KSR1: variants seen among roughly 807,000 people sequenced by gnomAD.
The protein encoded by KSR1 is kinase suppressor of ras.
In KSR1, 35 loss-of-function variants were observed where a neutral mutation model predicts 92.9. The ratio of observed to expected loss-of-function variants is 0.38; its 90% CI spans 0.29 to 0.50. The LOEUF (loss-of-function observed/expected upper bound fraction) is 0.50. Among genes scored for constraint, KSR1 ranks in the 20% least tolerant of loss-of-function variants. The probability of loss-of-function intolerance (pLI) is 0.94; values close to 1 mark genes in which losing one functional copy is unlikely to be tolerated. For synonymous variants in KSR1, 467 were observed against 472.6 expected, an observed-to-expected ratio of 0.99 and a Z score of 0.15; for missense variants, 972 against 1,158.5, an observed-to-expected ratio of 0.84 and a Z score of 2.34.
intron 1 of KSR1, among the ~76,000 whole-genome samples, chr17:27,529,528 G>A (rs890559887): frequency 3.3e-5 from 5 of 152,186 alleles, no homozygotes; most frequent in African/African-American, 9.7e-5. Context: ...GCCGCTCCAC[G>A]CTCCTGCCAT....
At chr17:27,583,495 C>G (rs1020463694) in intron 4 of KSR1, among the ~76,000 whole-genome samples, 6 of 152,252 alleles carry the variant, frequency 3.9e-5, no homozygotes, top group Non-Finnish European at 8.8e-5. Context: ...TTGCTGGCCA[C>G]GGTGGCAGAG....
At chr17:27,609,695 A>C in intron 16 of KSR1, 1 of 331,650 alleles carries the variant, frequency 3.0e-6, no homozygotes, top group Non-Finnish European at 5.6e-6. Flanking sequence ...GGGAACCCAA[A>C]AGGGAGCATG....
At chr17:27,598,868 C>T (rs555769599) in intron 10 of KSR1, among the ~76,000 whole-genome samples, 1 of 152,326 alleles carries the variant, frequency 6.6e-6, no homozygotes, top group East Asian at 1.9e-4. Flanking sequence ...CCCCCAACCC[C>T]CACTGCCCGC....
At position 27,623,518 on chromosome 17, in the gene KSR1, G is replaced by A; in HGVS notation, c.*126G>A. 1.5e-6 allele frequency: 1 copy of A among 683,674 alleles called. No homozygotes were observed. The highest frequency in any genetic ancestry group is 2.5e-4 in the Middle Eastern group (1 of 4,042). 42.4% of individuals were successfully genotyped at this position (683,674 alleles called of 1,614,324 possible). A position where few individuals can be genotyped will look rare whatever the true frequency, so the allele number is the denominator to read the frequency against. On this transcript the variant is annotated 3_prime_UTR_variant, in exon 21 of 21. Transcript: ENST00000644974. ...CTGCAAACCAGGAGCACACGTCCTAGATTCAGACTGTTGGCCATAAACCCC... is the reference window on the plus strand; with the variant it reads ...CTGCAAACCAGGAGCACACGTCCTAAATTCAGACTGTTGGCCATAAACCCC...
In KSR1 at chr17:27,577,661, C is replaced by G; in HGVS notation, c.520+22C>G. The G allele has an allele frequency of 6.6e-7, 1 of 1,517,812 alleles. No homozygotes were observed. Among genetic ancestry groups the G allele is most frequent in the Non-Finnish European group, 8.9e-7 (1 of 1,128,282 alleles). The allele number at this position is 1,517,812 out of a possible 1,614,324, so 94.0% of individuals were successfully genotyped here. Reference sequence around the variant, plus strand: ...CTGGGTACGTGGGGCCTGCCACCCTCTCCCTTGCCTGGCCTGGTGCCCTTG... The same window carrying G: ...CTGGGTACGTGGGGCCTGCCACCCTGTCCCTTGCCTGGCCTGGTGCCCTTG... On this transcript the variant is annotated intron_variant, in intron 3 of 20. Transcript: ENST00000644974. The surrounding 1 kb of genome is among the most constrained non-coding windows in gnomAD (Gnocchi z 4.5).
intron 1 of KSR1, among the ~76,000 whole-genome samples, chr17:27,467,999 A>G (rs2019786003): frequency 6.6e-6 from 1 of 151,810 alleles, no homozygotes; most frequent in African/African-American, 2.4e-5. Flanking sequence ...TCGTATTTTT[A>G]GTAGAGACGG....
intron 4 of KSR1, chr17:27,583,854 C>A: frequency 4.0e-6 from 1 of 247,476 alleles, no homozygotes; most frequent in Non-Finnish European, 6.4e-6. Flanking sequence ...AGCGCAGCAG[C>A]TCTGTGGCTT....
intron 14 of KSR1, among the ~76,000 whole-genome samples, chr17:27,606,990 C>A (rs944630206): frequency 2.6e-5 from 4 of 151,994 alleles, no homozygotes; most frequent in African/African-American, 7.3e-5. Context: ...TGCCACCACG[C>A]CTCGCTAATT....
At chr17:27,555,929 C>T (rs972622115) in intron 2 of KSR1, among the ~76,000 whole-genome samples, 3 of 152,166 alleles carry the variant, frequency 2.0e-5, no homozygotes, top group African/African-American at 7.2e-5. Flanking sequence ...TTCCCTGAAG[C>T]CTGCTCATCT....
rs1327252121 is a variant in KSR1, at chr17:27,626,249, G to A, written c.*2857G>A. 1.3e-5 allele frequency: 2 copies of A among 152,200 alleles called. No individual in the cohort carries two copies. 9.4% of individuals were successfully genotyped at this position (152,200 alleles called of 1,614,324 possible). A position where few individuals can be genotyped will look rare whatever the true frequency, so the allele number is the denominator to read the frequency against. Reference sequence around the variant, plus strand: ...TTTTTTTGAATGTGATGTAAAATTTGTACAGTAAAGTTTTTATATTTTCTA... The same window carrying A: ...TTTTTTTGAATGTGATGTAAAATTTATACAGTAAAGTTTTTATATTTTCTA... On this transcript the variant is annotated 3_prime_UTR_variant, in exon 21 of 21. Transcript: ENST00000644974.
At chr17:27,522,737 T>C (rs1006654111) in intron 1 of KSR1, among the ~76,000 whole-genome samples, 22 of 152,140 alleles carry the variant, frequency 1.4e-4, no homozygotes, top group Non-Finnish European at 2.8e-4. Context: ...AAGTTTGCAA[T>C]GAGGGAAAGT....
intron 5 of KSR1, among the ~76,000 whole-genome samples, chr17:27,586,865 T>C (rs915704047): frequency 6.6e-6 from 1 of 152,152 alleles, no homozygotes; most frequent in East Asian, 1.9e-4. Flanking sequence ...TTTGGCCCCA[T>C]GTGTTTTTTA....
chr17:27,472,032 G>A (rs1220252059), intron 1 of KSR1: 2 of 152,228 alleles, frequency 1.3e-5, no homozygotes, highest in Non-Finnish European at 2.9e-5. Context: ...CAGGGAAGGG[G>A]TCCTCAGACT....
At chr17:27,598,917 C>A (rs761095426) in intron 10 of KSR1, among the ~76,000 whole-genome samples, 5 of 152,166 alleles carry the variant, frequency 3.3e-5, no homozygotes, top group Non-Finnish European at 5.9e-5. Context: ...AGGCACGCCT[C>A]CTATCGTCCC....
intron 1 of KSR1, among the ~76,000 whole-genome samples, chr17:27,539,209 G>C (rs1002378636): frequency 5.3e-5 from 8 of 152,226 alleles, no homozygotes; most frequent in African/African-American, 1.9e-4. Flanking sequence ...TGTGATTGAG[G>C]GGTTGAGCTG....
At chr17:27,503,497 G>A (rs1019997432) in intron 1 of KSR1, among the ~76,000 whole-genome samples, 1 of 152,174 alleles carries the variant, frequency 6.6e-6, no homozygotes, top group Non-Finnish European at 1.5e-5. Context: ...TCAGAAGTTC[G>A]AGATTCTCTG....
At chr17:27,602,248 A>C (rs1352379945) in intron 11 of KSR1, among the ~76,000 whole-genome samples, 1 of 152,158 alleles carries the variant, frequency 6.6e-6, no homozygotes, top group Non-Finnish European at 1.5e-5. Context: ...GACCATCCAT[A>C]TGGCGTTGCT....
At chr17:27,583,416 T>G (rs1346468592) in intron 4 of KSR1, among the ~76,000 whole-genome samples, 1 of 152,268 alleles carries the variant, frequency 6.6e-6, no homozygotes, top group Non-Finnish European at 1.5e-5. Flanking sequence ...ATTTGTTTCT[T>G]GCTCATGCCG....
rs570270429 is a variant in KSR1, at chr17:27,467,563, G to T, written c.231+10689G>T. Among the ~76,000 whole-genome samples, 3 of 152,262 alleles carry T rather than the reference G, an allele frequency of 2.0e-5. No individual in the cohort carries two copies. The South Asian group carries it at 6.2e-4, about 32-fold the overall frequency. ...ATTATCTTGTGAATGGGTCTCTTAG[G>T]GTGTGGTTGCGTTTTTGGTCTTTTT... On this transcript the variant is annotated intron_variant, in intron 1 of 20. Transcript: ENST00000644974.
Sources: gnomAD v4.1 joint callset for allele counts (sites outside exome capture counted in the v4.1 genomes callset) on GRCh38, gnomAD v4.1.1 for gene constraint, Gnocchi (gnomAD v3.1) non-coding constraint, MANE v1.5 for transcripts, NCBI Gene and HGNC (gene_info 2026-07-23, HGNC 2026-07-21) for gene names.